The following MCC variants were observed in gnomAD, a reference collection of about 807,000 sequenced individuals.
The protein encoded by MCC is MCC regulator of Wnt signaling pathway.
MCC carries 90 observed loss-of-function variants against 116.2 expected under a neutral mutation model. The ratio of observed to expected loss-of-function variants is 0.77; its 90% CI spans 0.65 to 0.92. MCC has a LOEUF of 0.92. Among genes scored for constraint, MCC ranks in the 40% least tolerant of loss-of-function variants. The pLI is 0.00. For synonymous variants in MCC, 578 were observed against 510.5 expected (o/e 1.13, Z -1.78); for missense variants, 1,516 against 1,312.2 (o/e 1.16, Z -2.40).
chr5:113,154,296 G>T (rs1167658557), intron 3 of MCC, among the ~76,000 whole-genome samples: 1 of 152,216 alleles, frequency 6.6e-6, no homozygotes, highest in African/African-American at 2.4e-5. Flanking sequence ...AGGAAAACCT[G>T]TAACAATGAG....
At chr5:113,162,491 T>C (rs184434675) in intron 3 of MCC, among the ~76,000 whole-genome samples, 3 of 151,804 alleles carry the variant, frequency 2.0e-5, no homozygotes, top group Admixed American at 2.0e-4. Flanking sequence ...CAAGGGTCGT[T>C]GCAATCTTCT....
chr5:113,221,903 G>T (rs1225748370), intron 3 of MCC, among the ~76,000 whole-genome samples: 5 of 151,928 alleles, frequency 3.3e-5, no homozygotes, highest in African/African-American at 1.2e-4. Context: ...GACTCTGCAT[G>T]AATTACTCTT....
intron 3 of MCC, among the ~76,000 whole-genome samples, chr5:113,165,896 A>G: frequency 6.8e-6 from 1 of 147,050 alleles, no homozygotes; most frequent in East Asian, 2.2e-4. Flanking sequence ...ATTTTTGGGA[A>G]TGACACGGCT....
chr5:113,394,908 T>C lies in MCC; in HGVS notation c.171-9696A>G, dbSNP rs189743937. 5.3e-5 allele frequency among the ~76,000 whole-genome samples: 8 copies of C among 152,354 alleles called. No homozygotes were observed. The East Asian group carries it at 1.5e-3, about 29-fold the overall frequency. On this transcript the variant is annotated intron_variant, in intron 1 of 18. Coordinates refer to ENST00000408903, the MANE Select transcript of MCC (RefSeq NM_001085377.2). Reference sequence around the variant, plus strand: ...AGTTTATTGGAACAGAGCATGCCCATTTATCTATGTAATGTCTATGACTAC... The same window carrying C: ...AGTTTATTGGAACAGAGCATGCCCACTTATCTATGTAATGTCTATGACTAC...
intron 1 of MCC, among the ~76,000 whole-genome samples, chr5:113,449,564 C>A (rs944779641): frequency 6.6e-6 from 1 of 152,184 alleles, no homozygotes; most frequent in Non-Finnish European, 1.5e-5. Context: ...TCTGTGAGGA[C>A]TTATCTAAAC....
chr5:113,028,492 G>A (rs1750734280), intron 18 of MCC, among the ~76,000 whole-genome samples: 2 of 152,038 alleles, frequency 1.3e-5, no homozygotes, highest in Admixed American at 1.3e-4. Flanking sequence ...GCTCTCTGAG[G>A]TCCTCCGTTT....
intron 3 of MCC, among the ~76,000 whole-genome samples, chr5:113,257,807 T>C (rs1561489675): frequency 1.3e-5 from 2 of 152,090 alleles, no homozygotes; most frequent in Non-Finnish European, 2.9e-5. Context: ...CTGGAGACTA[T>C]GGAGGAGAAG....
At chr5:113,048,887 TA>T in intron 16 of MCC, 1 of 598,100 alleles carries the variant, frequency 1.7e-6, no homozygotes, top group Non-Finnish European at 3.0e-6. Flanking sequence ...AACTATTACA[TA>T]AAGTGAGATT....
At chr5:113,396,968 G>A (rs187859132) in intron 1 of MCC, among the ~76,000 whole-genome samples, 1 of 152,248 alleles carries the variant, frequency 6.6e-6, no homozygotes, top group Admixed American at 6.5e-5. Flanking sequence ...ACTTTCTTTA[G>A]GGGCATAAAA....
At chr5:113,098,134 G>A (rs1437770749) in intron 8 of MCC, among the ~76,000 whole-genome samples, 1 of 152,162 alleles carries the variant, frequency 6.6e-6, no homozygotes, top group Non-Finnish European at 1.5e-5. Context: ...ATGTGCCTGT[G>A]GTCATATCAA....
At chr5:113,381,810 A>G (rs1769130787) in intron 2 of MCC, among the ~76,000 whole-genome samples, 1 of 152,142 alleles carries the variant, frequency 6.6e-6, no homozygotes, top group Non-Finnish European at 1.5e-5. Context: ...AAATAAACCC[A>G]TGGGACCACA....
chr5:113,151,488 C>G (rs111636591), intron 3 of MCC, 66 bp from the exon 4 acceptor site: 1 of 824,328 alleles, frequency 1.2e-6, no homozygotes, highest in Non-Finnish European at 2.0e-6. Context: ...CCTTCATTCC[C>G]GCAACTAGTA....
At chr5:113,194,075 G>A (rs1312568685) in intron 3 of MCC, among the ~76,000 whole-genome samples, 5 of 152,222 alleles carry the variant, frequency 3.3e-5, no homozygotes, top group South Asian at 2.1e-4. Context: ...GAAAAATTAC[G>A]CAGGCTCCAG....
intron 3 of MCC, among the ~76,000 whole-genome samples, chr5:113,218,799 A>T (rs193228230): frequency 5.9e-5 from 9 of 151,630 alleles, no homozygotes; most frequent in Admixed American, 3.3e-4. Flanking sequence ...TGGGGAAAAA[A>T]ATCCTCAGTT....
intron 8 of MCC, among the ~76,000 whole-genome samples, chr5:113,091,733 C>T (rs759860255): frequency 1.1e-3 from 170 of 152,012 alleles, no homozygotes; most frequent in South Asian, 1.0e-3. Context: ...ACAACAACAA[C>T]GAATCAGCCA....
At chr5:113,158,202 AG>A (rs1201758907) in intron 3 of MCC, among the ~76,000 whole-genome samples, 2 of 152,234 alleles carry the variant, frequency 1.3e-5, no homozygotes, top group African/African-American at 4.8e-5. Context: ...ACTATGGGTA[AG>A]GGGGGACTAC....
At chr5:113,118,518 G>T (rs1757527189) in intron 6 of MCC, among the ~76,000 whole-genome samples, 1 of 152,192 alleles carries the variant, frequency 6.6e-6, no homozygotes, top group African/African-American at 2.4e-5. Flanking sequence ...GACTCTGATG[G>T]GTGGTTATGA....
chr5:113,143,231 C>T lies in MCC; in HGVS notation c.871G>A (p.Gly291Ser), dbSNP rs1326890554. The change falls in exon 5 of 19, where the codon GGC becomes AGC. Residue 291 changes from glycine to serine, a missense_variant. Gly to Ser is a moderately conservative substitution (Grantham distance 56). Transcript: ENST00000408903. ...ELNKKIDRLQ[G>S]TTIREEDEYS... is the part of the protein sequence containing the mutation. ...GGAGCCGCGTACCTGATGGTGGTGC[C>T]TTGCAGACGGTCTATCTTCTTGTTG... 1 of 1,606,008 alleles carries T rather than the reference C, an allele frequency of 6.2e-7. No individual in the cohort carries two copies. Among genetic ancestry groups the T allele is most frequent in the Non-Finnish European group, 8.5e-7 (1 of 1,176,980 alleles).
At chr5:113,464,471 C>T (rs926592343) in intron 1 of MCC, among the ~76,000 whole-genome samples, 1 of 152,132 alleles carries the variant, frequency 6.6e-6, no homozygotes, top group African/African-American at 2.4e-5. Context: ...GGTCTTTGCC[C>T]CCAAAATTAT....
Sources: gnomAD v4.1 joint callset for allele counts (sites outside exome capture counted in the v4.1 genomes callset) on GRCh38, gnomAD v4.1.1 for gene constraint, MANE v1.5 for transcripts, NCBI Gene and HGNC (gene_info 2026-07-23, HGNC 2026-07-21) for gene names.